The following RHPN1 variants were observed in gnomAD, a reference collection of about 807,000 sequenced individuals.
The protein encoded by RHPN1 is rhophilin-1.
In RHPN1, 77 loss-of-function variants were observed where a neutral mutation model predicts 74.7. The ratio of observed to expected loss-of-function variants is 1.03; its 90% CI spans 0.86 to 1.25. The LOEUF (loss-of-function observed/expected upper bound fraction) is 1.25. Ranked by LOEUF, RHPN1 falls within the 50% of genes most tolerant of loss-of-function variation. The probability of loss-of-function intolerance (pLI) is 0.00; values close to 1 mark genes in which losing one functional copy is unlikely to be tolerated. For synonymous variants in RHPN1, 444 were observed against 414.5 expected (o/e 1.07, Z -0.87); for missense variants, 987 against 932.2 (o/e 1.06, Z -0.77).
chr8:143,381,139 C>A, intron 11 of RHPN1, 129 bp from the exon 12 acceptor site: 1 of 767,712 alleles, frequency 1.3e-6, no homozygotes, highest in Non-Finnish European at 2.1e-6. Flanking sequence ...CCCACCATTG[C>A]AGAGTGGCCA....
At chr8:143,369,109 C>T (rs549388760) in intron 1 of RHPN1, 62 bp downstream of exon 1, 16 of 1,316,874 alleles carry the variant, frequency 1.2e-5, no homozygotes, top group South Asian at 6.2e-5. Context: ...TTCCTGCCCC[C>T]CCTCGAGGCG....
chr8:143,380,193 G>A lies in RHPN1; in HGVS notation c.1216+18G>A. On this transcript the variant is annotated intron_variant, in intron 10 of 14. Transcript: ENST00000289013. ...GCAGCTTGGTAAGGCGCCCATGGGT[G>A]GAGTGCCCTGGGGCTCAGATGGTCA... The A allele has an allele frequency of 2.7e-6, 4 of 1,493,348 alleles. No individual in the cohort carries two copies. Among genetic ancestry groups the A allele is most frequent in the Non-Finnish European group, 3.6e-6 (4 of 1,111,478 alleles). 92.5% of individuals were successfully genotyped at this position (1,493,348 alleles called of 1,614,324 possible).
intron 5 of RHPN1, 122 bp from the exon 6 acceptor site, chr8:143,378,574 C>A: frequency 7.5e-7 from 1 of 1,339,868 alleles, no homozygotes; most frequent in South Asian, 1.4e-5. Context: ...CACGGCTGCC[C>A]AGGGCCCCAC....
At chr8:143,374,741 A>G (rs748286074) in intron 1 of RHPN1, among the ~76,000 whole-genome samples, 8 of 152,238 alleles carry the variant, frequency 5.3e-5, no homozygotes, top group Non-Finnish European at 7.4e-5. Context: ...CCCCAACACC[A>G]CAAGGGTGGG....
At chr8:143,381,247 T>C in intron 11 of RHPN1, 21 bp from the exon 12 acceptor site, 1 of 1,606,800 alleles carries the variant, frequency 6.2e-7, no homozygotes, top group South Asian at 1.1e-5. Context: ...CCAGCTTAGC[T>C]CTGCTCTTAC....
Position 143,369,108 on chromosome 8 carries a change from C to G in RHPN1, c.60+61C>G, listed in dbSNP as rs1817661882. The G allele has an allele frequency of 1.3e-5, 17 of 1,317,490 alleles. No individual in the cohort carries two copies. The South Asian group carries it at 2.2e-4, about 17-fold the overall frequency. The allele number at this position is 1,317,490 out of a possible 1,614,324, so 81.6% of individuals were successfully genotyped here. A position where few individuals can be genotyped will look rare whatever the true frequency, so the allele number is the denominator to read the frequency against. ...CCGGAATCCCGGCCTTTTCCTGCCC[C>G]CCCTCGAGGCGCGTTCCGGGCGCCC... On this transcript the variant is annotated intron_variant, in intron 1 of 14. Transcript: ENST00000289013.
chr8:143,382,981 C>T lies in RHPN1; in HGVS notation c.*330C>T, dbSNP rs559869966. ...CCGGGCTCTGTCCACCCTGCTGCTG[C>T]CCTGGGCACAGACCCTGAGGTCTCA... is the stretch of plus-strand genomic sequence containing the variant. On this transcript the variant is annotated 3_prime_UTR_variant, in exon 15 of 15. Coordinates refer to ENST00000289013, the MANE Select transcript of RHPN1 (RefSeq NM_052924.3). The T allele has an allele frequency of 8.7e-5, 30 of 343,134 alleles. No homozygotes were observed. The highest frequency in any genetic ancestry group is 3.7e-4 in the South Asian group (10 of 26,964). The allele number at this position is 343,134 out of a possible 1,614,324, so 21.3% of individuals were successfully genotyped here.
At chr8:143,381,421 G>C in intron 12 of RHPN1, 77 bp downstream of exon 12, 1 of 1,475,198 alleles carries the variant, frequency 6.8e-7, no homozygotes, top group Non-Finnish European at 9.2e-7. Flanking sequence ...CATGGCCTCA[G>C]ACAGGCCATT....
chr8:143,377,210 CGGTGGGG>C (rs1818339896), intron 3 of RHPN1, among the ~76,000 whole-genome samples, 163 bp from the exon 4 acceptor site: 3 of 152,104 alleles, frequency 2.0e-5, no homozygotes. Context: ...CGGTTTAGGA[CGGTGGGG>C]GGTGGTGCAC....
rs764234504 is a variant in RHPN1, at chr8:143,381,843, G to A, written c.1672G>A (p.Val558Met). 4 of 1,613,104 alleles carry A rather than the reference G, an allele frequency of 2.5e-6. No individual in the cohort carries two copies. Among genetic ancestry groups the A allele is most frequent in the Non-Finnish European group, 3.4e-6 (4 of 1,179,752 alleles). The stretch of plus-strand genomic sequence containing the variant: ...GAAGGAGGGCGACTACATTGTGTCA[G>A]TGAATGGGCAGCCATGCAGGTGGTG... Reference protein sequence around the residue: ...GLKEGDYIVSVNGQPCRWWRH... With the variant: ...GLKEGDYIVSMNGQPCRWWRH... The change falls in exon 14 of 15, where the codon GTG becomes ATG. Residue 558 changes from valine to methionine, a missense_variant. Val to Met is a conservative substitution (Grantham distance 21, BLOSUM62 1). Coordinates refer to ENST00000289013, the MANE Select transcript of RHPN1 (RefSeq NM_052924.3).
At chr8:143,376,504 A>G (rs1170867874) in intron 2 of RHPN1, 21 bp from the exon 3 acceptor site, 15 of 1,610,700 alleles carry the variant, frequency 9.3e-6, no homozygotes, top group Non-Finnish European at 1.1e-5. Context: ...CTGGGCTTTC[A>G]ACTGCCGCGG....
chr8:143,380,728 G>T lies in RHPN1; in HGVS notation c.1356G>T (p.Ala452=). 2 of 1,595,526 alleles carry T rather than the reference G, an allele frequency of 1.3e-6. No individual in the cohort carries two copies. Among genetic ancestry groups the T allele is most frequent in the Non-Finnish European group, 8.5e-7 (1 of 1,171,602 alleles). ...TGCAGCGCTCACTGGCCAAGTATGC[G>T]GAGCTCGACCGTGAGGATGACTTCT... is the stretch of plus-strand genomic sequence containing the variant. ...QTLQRSLAKY[A]ELDREDDFCE... Residue 452 remains alanine, a synonymous_variant, in exon 11 of 15, where the codon GCG becomes GCT. Transcript: ENST00000289013.
intron 1 of RHPN1, among the ~76,000 whole-genome samples, chr8:143,369,876 G>C (rs1252197109): frequency 1.3e-5 from 2 of 152,256 alleles, no homozygotes; most frequent in Middle Eastern, 3.2e-3. Context: ...CTCGGCTTTG[G>C]TGTTTGGGGT....
upstream of RHPN1, among the ~76,000 whole-genome samples, chr8:143,364,328 C>T (rs944296572): frequency 6.6e-5 from 10 of 152,296 alleles, no homozygotes; most frequent in East Asian, 3.9e-4. This position sits in a 1 kb window ranked among gnomAD's most constrained non-coding sequence, Gnocchi z 4.5. Flanking sequence ...CAACCATGGG[C>T]GTCTCCCTCC....
At chr8:143,381,120 G>A in intron 11 of RHPN1, 148 bp from the exon 12 acceptor site, 1 of 688,572 alleles carries the variant, frequency 1.5e-6, no homozygotes, top group Non-Finnish European at 2.4e-6. Flanking sequence ...CACACCTGGG[G>A]CAGCTCCTCC....
At chr8:143,376,497 G>C in intron 2 of RHPN1, 28 bp from the exon 3 acceptor site, 1 of 1,610,422 alleles carries the variant, frequency 6.2e-7, no homozygotes. Context: ...CTTGGGGCTG[G>C]GCTTTCAACT....
rs556084662 is a variant in RHPN1, at chr8:143,376,912, CTG to C, written c.305+265_305+266del. 2.4e-3 allele frequency among the ~76,000 whole-genome samples: 322 copies of C among 133,006 alleles called. 1 individual carries two copies. The highest frequency in any genetic ancestry group is 8.7e-3 in the East Asian group (38 of 4,374). The allele number at this position is 133,006 out of a possible 152,430, so 87.3% of individuals were successfully genotyped here. A position where few individuals can be genotyped will look rare whatever the true frequency, so the allele number is the denominator to read the frequency against. ...TGCATGCGTCTGTGTGCGCGTGTGT[CTG>C]TGTGTCTGCATGTGTCTGTGTGTGC... is the stretch of plus-strand genomic sequence containing the variant. On this transcript the variant is annotated intron_variant, in intron 3 of 14. Transcript: ENST00000289013.
chr8:143,379,778 C>A, intron 8 of RHPN1, 51 bp from the exon 9 acceptor site: 1 of 1,554,444 alleles, frequency 6.4e-7, no homozygotes, highest in South Asian at 1.2e-5. Flanking sequence ...GAGAAGCAGG[C>A]ACCACCTGGA....
chr8:143,373,560 G>C (rs1297533852), intron 1 of RHPN1, among the ~76,000 whole-genome samples: 2 of 50,106 alleles, frequency 4.0e-5, no homozygotes, highest in Non-Finnish European at 6.9e-5. Context: ...GCGGGGATTT[G>C]GGGGATGGCG....
Sources: allele counts gnomAD v4.1 joint callset (sites outside exome capture counted in the v4.1 genomes callset), GRCh38; gene constraint gnomAD v4.1.1; non-coding constraint Gnocchi (gnomAD v3.1); transcripts MANE v1.5; gene names NCBI Gene and HGNC (gene_info 2026-07-23, HGNC 2026-07-21).